The following KCNMB2 variants were observed in gnomAD, a reference collection of about 807,000 sequenced individuals.
KCNMB2 encodes potassium calcium-activated channel subfamily M regulatory beta subunit 2, also known as calcium-activated potassium channel subunit beta-2.
KCNMB2 carries 9 observed loss-of-function variants against 24.5 expected under a neutral mutation model. That is an observed-to-expected ratio of 0.37 (90% CI 0.22 to 0.64). The LOEUF (loss-of-function observed/expected upper bound fraction) is 0.64, where lower values mean the gene tolerates loss of function less well. Among genes scored for constraint, KCNMB2 ranks in the 30% least tolerant of loss-of-function variants. KCNMB2 has a pLI of 0.63. For missense variants in KCNMB2, 226 were observed against 284.3 expected (o/e 0.79, Z 1.47); for synonymous variants, 109 against 104.4 (o/e 1.04, Z -0.27).
At chr3:178,630,258 A>G (rs1233030312) in intron 1 of KCNMB2, among the ~76,000 whole-genome samples, 4 of 152,318 alleles carry the variant, frequency 2.6e-5, no homozygotes, top group Non-Finnish European at 5.9e-5. Context: ...TTCTCCCACA[A>G]TTTCCAGCAA....
chr3:178,680,744 A>T (rs1443850134), intron 1 of KCNMB2, among the ~76,000 whole-genome samples: 1 of 152,006 alleles, frequency 6.6e-6, no homozygotes. Context: ...GCTCAGTGTG[A>T]CTCATTTTCT....
intron 1 of KCNMB2, among the ~76,000 whole-genome samples, chr3:178,613,727 GTCT>G (rs1718578809): frequency 6.6e-6 from 1 of 152,136 alleles, no homozygotes; most frequent in South Asian, 2.1e-4. Context: ...ATTTGTTTCT[GTCT>G]TCTTGATGCT....
intron 1 of KCNMB2, chr3:178,537,292 C>T (rs1272975498): frequency 6.6e-6 from 1 of 152,030 alleles, no homozygotes; most frequent in Non-Finnish European, 1.5e-5. Context: ...AAAGGCTGAC[C>T]CACACTGTTT....
intron 1 of KCNMB2, among the ~76,000 whole-genome samples, chr3:178,636,353 C>A (rs552341204): frequency 6.6e-6 from 1 of 152,208 alleles, no homozygotes; most frequent in African/African-American, 2.4e-5. Context: ...CACTAAAGAA[C>A]TTACTCATGT....
chr3:178,596,671 T>C (rs1012494736), intron 1 of KCNMB2, among the ~76,000 whole-genome samples: 1 of 152,116 alleles, frequency 6.6e-6, no homozygotes, highest in African/African-American at 2.4e-5. Context: ...CTCTCCCATC[T>C]TCTAGCCCCA....
intron 1 of KCNMB2, among the ~76,000 whole-genome samples, chr3:178,734,978 A>G (rs1322027941): frequency 6.6e-6 from 1 of 152,224 alleles, no homozygotes; most frequent in East Asian, 1.9e-4. Context: ...TATCAGATCA[A>G]TATCCTCATC....
intron 1 of KCNMB2, among the ~76,000 whole-genome samples, chr3:178,780,604 G>A (rs147685567): frequency 2.7e-4 from 41 of 152,318 alleles, no homozygotes; most frequent in African/African-American, 8.4e-4. Context: ...TGTAAGGCAA[G>A]CCAACCAGTT....
chr3:178,631,346 A>C lies in KCNMB2; in HGVS notation c.-68+94635A>C, dbSNP rs189393777. ...CATGGCAAAAACAGACTGACAGCTT[A>C]TTAGTGCTGTCAGTAACAGCTACAT... On this transcript the variant is annotated intron_variant, in intron 1 of 4. Transcript: ENST00000452583. Among the ~76,000 whole-genome samples the C allele has an allele frequency of 1.1e-4, 16 of 152,354 alleles. 1 individual carries two copies. The highest frequency in any genetic ancestry group is 1.0e-3 in the Admixed American group (16 of 15,302).
At chr3:178,768,040 A>C (rs1712195595) in intron 1 of KCNMB2, among the ~76,000 whole-genome samples, 1 of 151,944 alleles carries the variant, frequency 6.6e-6, no homozygotes, top group South Asian at 2.1e-4. Context: ...TTTCCAGGAA[A>C]GATATCTTCC....
At chr3:178,698,274 T>C (rs1177819103) in intron 1 of KCNMB2, among the ~76,000 whole-genome samples, 1 of 152,236 alleles carries the variant, frequency 6.6e-6, no homozygotes, top group Non-Finnish European at 1.5e-5. Flanking sequence ...CACAGATTCA[T>C]ATCTTTACAT....
chr3:178,796,972 A>T (rs1713571847), intron 1 of KCNMB2, among the ~76,000 whole-genome samples: 1 of 152,032 alleles, frequency 6.6e-6, no homozygotes, highest in African/African-American at 2.4e-5. Flanking sequence ...TTTTTTGAAA[A>T]GATAAAGTTG....
At chr3:178,575,756 A>G (rs1168184751) in intron 1 of KCNMB2, among the ~76,000 whole-genome samples, 1 of 152,176 alleles carries the variant, frequency 6.6e-6, no homozygotes, top group Non-Finnish European at 1.5e-5. Context: ...TGCAATACAT[A>G]CTTATGATGT....
At chr3:178,701,278 A>T (rs1722082507) in intron 1 of KCNMB2, among the ~76,000 whole-genome samples, 1 of 152,082 alleles carries the variant, frequency 6.6e-6, no homozygotes, top group Non-Finnish European at 1.5e-5. Flanking sequence ...GATGTGTGGT[A>T]TTATTTCTGA....
intron 1 of KCNMB2, among the ~76,000 whole-genome samples, chr3:178,647,747 C>T (rs536713227): frequency 6.6e-6 from 1 of 152,064 alleles, no homozygotes. Flanking sequence ...CATCATGGTC[C>T]AGCAGTAATG....
chr3:178,766,736 C>A (rs1712136608), intron 1 of KCNMB2, among the ~76,000 whole-genome samples: 1 of 152,118 alleles, frequency 6.6e-6, no homozygotes, highest in Non-Finnish European at 1.5e-5. Flanking sequence ...GTGGACGTTA[C>A]TTTAGATGCA....
intron 1 of KCNMB2, among the ~76,000 whole-genome samples, chr3:178,612,547 C>T (rs1718518060): frequency 6.6e-6 from 1 of 152,086 alleles, no homozygotes; most frequent in Admixed American, 6.5e-5. Context: ...CTGAAAGAAG[C>T]ATAGTGACTC....
chr3:178,833,990 G>T (rs4498018), intron 4 of KCNMB2, among the ~76,000 whole-genome samples: 97,783 of 151,986 alleles, frequency 0.64, 33,384 homozygotes, highest in African/African-American at 0.87. Context: ...GTTGTTGCTT[G>T]TGAATACCTC....
At chr3:178,799,027 T>C (rs560307277) in intron 1 of KCNMB2, among the ~76,000 whole-genome samples, 15 of 151,004 alleles carry the variant, frequency 9.9e-5, no homozygotes, top group African/African-American at 3.6e-4. Flanking sequence ...AAGGAACATA[T>C]CTCAACATAA....
intron 1 of KCNMB2, among the ~76,000 whole-genome samples, chr3:178,648,195 T>C (rs1347390915): frequency 3.3e-5 from 5 of 152,182 alleles, no homozygotes; most frequent in Non-Finnish European, 5.9e-5. Context: ...CTATGTATTC[T>C]TGAAATATAT....
Sources: allele counts gnomAD v4.1 joint callset (sites outside exome capture counted in the v4.1 genomes callset), GRCh38; gene constraint gnomAD v4.1.1; transcripts MANE v1.5; gene names NCBI Gene and HGNC (gene_info 2026-07-23, HGNC 2026-07-21).